Variants in MTMR3 observed in about 807,000 individuals in gnomAD.
MTMR3 encodes the protein phosphatidylinositol-3,5-bisphosphate 3-phosphatase MTMR3.
Under a neutral mutation model 132.4 loss-of-function variants are expected in MTMR3, and 32 were observed. That is an observed-to-expected ratio of 0.24 (90% CI 0.18 to 0.32). The LOEUF is 0.32. MTMR3 is among the 10% of genes least tolerant of loss of function. MTMR3 has a pLI of 1.00. For synonymous variants in MTMR3, 556 were observed against 550.3 expected (o/e 1.01, Z -0.14); for missense variants, 1,216 against 1,489.6 (o/e 0.82, Z 3.02).
At chr22:29,906,439 C>T (rs2065105439) in intron 1 of MTMR3, among the ~76,000 whole-genome samples, 1 of 152,078 alleles carries the variant, frequency 6.6e-6, no homozygotes, top group African/African-American at 2.4e-5. Flanking sequence ...AGCAATTCTC[C>T]TGCCTCAGCC....
intron 1 of MTMR3, among the ~76,000 whole-genome samples, chr22:29,907,271 G>C (rs1470299713): frequency 3.3e-5 from 5 of 151,710 alleles, no homozygotes; most frequent in Non-Finnish European, 2.9e-5. Context: ...GCGTCGTCGT[G>C]GGCGCCTGTA....
chr22:29,989,808 T>A (rs2066924989), intron 6 of MTMR3: 1 of 152,236 alleles, frequency 6.6e-6, no homozygotes, highest in Non-Finnish European at 1.5e-5. Flanking sequence ...GTATAATTTC[T>A]GCGTTTTCTC....
At chr22:29,968,306 A>T (rs1315962377) in intron 2 of MTMR3, among the ~76,000 whole-genome samples, 1 of 152,230 alleles carries the variant, frequency 6.6e-6, no homozygotes, top group Non-Finnish European at 1.5e-5. Flanking sequence ...AAAATGCATT[A>T]AATTCACTTC....
chr22:30,004,350 T>TG (rs2067233053), intron 9 of MTMR3: 1 of 152,190 alleles, frequency 6.6e-6, no homozygotes, highest in Admixed American at 6.5e-5. Context: ...CTGGCATCTG[T>TG]GGGGCTTGCT....
At chr22:29,901,753 T>C (rs2145727095) in intron 1 of MTMR3, among the ~76,000 whole-genome samples, 1 of 152,334 alleles carries the variant, frequency 6.6e-6, no homozygotes, top group South Asian at 2.1e-4. Flanking sequence ...GGTCTTGTTA[T>C]ATTGCCTATG....
intron 1 of MTMR3, among the ~76,000 whole-genome samples, chr22:29,942,631 G>A (rs1004149772): frequency 6.6e-6 from 1 of 152,162 alleles, no homozygotes; most frequent in Non-Finnish European, 1.5e-5. Flanking sequence ...CATTTCAGAG[G>A]CTTCCCCTCA....
intron 1 of MTMR3, among the ~76,000 whole-genome samples, chr22:29,945,544 A>T (rs1036061419): frequency 7.9e-6 from 1 of 126,024 alleles, no homozygotes; most frequent in Non-Finnish European, 1.8e-5. Flanking sequence ...TAAAAAATTA[A>T]AAAAAAAAAA....
intron 1 of MTMR3, among the ~76,000 whole-genome samples, chr22:29,929,281 A>C (rs929723120): frequency 2.6e-5 from 4 of 152,040 alleles, no homozygotes; most frequent in African/African-American, 9.7e-5. Context: ...ACTCCATCTC[A>C]AAAACAAACA....
At chr22:29,913,097 T>A (rs73396863) in intron 1 of MTMR3, among the ~76,000 whole-genome samples, 5,581 of 151,712 alleles carry the variant, frequency 0.037, 360 homozygotes, top group African/African-American at 0.13. Context: ...TAATAATAAT[T>A]ATTATCCAGC....
intron 2 of MTMR3, 87 bp downstream of exon 2, chr22:29,957,175 A>G (rs1203935225): frequency 6.7e-6 from 1 of 148,884 alleles, no homozygotes; most frequent in Non-Finnish European, 1.5e-5. Context: ...ATTAATTTAC[A>G]GGTTGATTTT....
Position 30,020,460 on chromosome 22 carries a change from C to T in MTMR3, c.2801C>T (p.Thr934Ile). 1 of 1,614,182 alleles carries T rather than the reference C, an allele frequency of 6.2e-7. No homozygotes were observed. The highest frequency in any genetic ancestry group is 8.5e-7 in the Non-Finnish European group (1 of 1,180,028). Residue 934 changes from threonine to isoleucine, a missense_variant, in exon 17 of 20, where the codon ACT becomes ATT. Thr to Ile is a moderately conservative substitution (Grantham distance 89). This residue lies in a region of MTMR3 where 852 missense variants were observed against 852.0 expected (regional missense o/e 1.00). Coordinates refer to ENST00000401950, the MANE Select transcript of MTMR3 (RefSeq NM_021090.4). ...EGLVCNGAPE[T>I]ENRASEQPPG... Reference sequence around the variant, plus strand: ...CTTGTGTGCAATGGTGCCCCAGAGACTGAAAACAGGGCCTCAGAGCAGCCC... The same window carrying T: ...CTTGTGTGCAATGGTGCCCCAGAGATTGAAAACAGGGCCTCAGAGCAGCCC...
At chr22:29,913,407 C>G (rs1189879409) in intron 1 of MTMR3, among the ~76,000 whole-genome samples, 2 of 152,190 alleles carry the variant, frequency 1.3e-5, no homozygotes, top group Non-Finnish European at 2.9e-5. Context: ...TCAGAGCCTT[C>G]TGTAACTAAG....
intron 2 of MTMR3, among the ~76,000 whole-genome samples, chr22:29,960,950 T>A (rs2145851369): frequency 6.6e-6 from 1 of 152,338 alleles, no homozygotes; most frequent in Admixed American, 6.5e-5. Context: ...AACTGAAAGT[T>A]GCTGCTCCCA....
In MTMR3 at chr22:30,023,646, A is replaced by C. The variant is rs2067827111; in HGVS notation, c.3425+949A>C. ...TTGAGGGGATTCAAAGCAGCTGAGG[A>C]GAGGCCATCGAGGGTGGGTCAGGCT... On this transcript the variant is annotated intron_variant, in intron 19 of 19. Transcript: ENST00000401950. 15 of 810,966 alleles carry C rather than the reference A, an allele frequency of 1.8e-5. No individual in the cohort carries two copies. In the South Asian group the frequency reaches 2.3e-4, roughly 13 times the overall value. 50.2% of individuals were successfully genotyped at this position (810,966 alleles called of 1,614,324 possible). A position where few individuals can be genotyped will look rare whatever the true frequency, so the allele number is the denominator to read the frequency against.
chr22:30,022,507 C>G, intron 18 of MTMR3, 102 bp from the exon 19 acceptor site: 1 of 970,582 alleles, frequency 1.0e-6, no homozygotes, highest in Non-Finnish European at 1.6e-6. Flanking sequence ...GCCACTGGAG[C>G]TGATGTGGTC....
intron 2 of MTMR3, among the ~76,000 whole-genome samples, chr22:29,967,897 G>A (rs747131602): frequency 6.1e-5 from 9 of 148,752 alleles, no homozygotes; most frequent in South Asian, 2.1e-4. Context: ...TTTTATTGCT[G>A]GATAACTCCA....
At chr22:29,920,612 ATAATCT>A (rs1180898206) in intron 1 of MTMR3, among the ~76,000 whole-genome samples, 2 of 152,252 alleles carry the variant, frequency 1.3e-5, no homozygotes, top group Non-Finnish European at 2.9e-5. Flanking sequence ...TGGTAGGAAA[ATAATCT>A]TAGGCACAGG....
chr22:29,941,198 C>A (rs1251910116), intron 1 of MTMR3, among the ~76,000 whole-genome samples: 2 of 139,852 alleles, frequency 1.4e-5, no homozygotes, highest in Non-Finnish European at 2.9e-5. Flanking sequence ...GAGTCAACAT[C>A]ATGCTTTTGA....
rs554434557 is a variant in MTMR3 at position 29,962,313 on chromosome 22, A to G, written c.-85+5225A>G. On this transcript the variant is annotated intron_variant, in intron 2 of 19. Coordinates refer to ENST00000401950, the MANE Select transcript of MTMR3 (RefSeq NM_021090.4). ...TTTAAAGTGTACAGTTCAGTGGCTCAGTATATTCACGAAGTTGTGTAGCCA... is the reference window on the plus strand; with the variant it reads ...TTTAAAGTGTACAGTTCAGTGGCTCGGTATATTCACGAAGTTGTGTAGCCA... Among the ~76,000 whole-genome samples, 3 of 152,208 alleles carry G rather than the reference A, an allele frequency of 2.0e-5. No homozygotes were observed. In the South Asian group the frequency reaches 6.2e-4, roughly 32 times the overall value.
Sources: gnomAD v4.1 joint callset for allele counts (sites outside exome capture counted in the v4.1 genomes callset) on GRCh38, gnomAD v4.1.1 for gene constraint, gnomAD v4.1.1 regional missense constraint, MANE v1.5 for transcripts, NCBI Gene and HGNC (gene_info 2026-07-23, HGNC 2026-07-21) for gene names.